The following MAMDC4 variants were observed in gnomAD, a reference collection of about 807,000 sequenced individuals.
MAMDC4 encodes MAM domain containing 4.
In MAMDC4, 168 loss-of-function variants were observed where a neutral mutation model predicts 153.3. That is an observed-to-expected ratio of 1.10 (90% CI 0.97 to 1.25). MAMDC4 has a LOEUF of 1.25. Ranked by LOEUF, MAMDC4 falls within the 50% of genes most tolerant of loss-of-function variation. MAMDC4 has a pLI of 0.00. For synonymous variants in MAMDC4, 744 were observed against 651.5 expected, an observed-to-expected ratio of 1.14 and a Z score of -2.16; for missense variants, 1,701 against 1,542.8, an observed-to-expected ratio of 1.10 and a Z score of -1.72.
chr9:136,860,573 C>T lies in MAMDC4; in HGVS notation c.3384C>T (p.Thr1128=), dbSNP rs775686377. ...CTTCCTCCTCCTAGGATGGTGTCAC[C>T]CTCCCGGCATCTGTCACCAGTGATC... ...DNILFNADGV[T]LPASVTSDP The change falls in exon 27 of 27, where the codon ACC becomes ACT. Residue 1128 remains threonine, a synonymous_variant. Transcript: ENST00000317446. 7 of 1,612,720 alleles carry T rather than the reference C, an allele frequency of 4.3e-6. No homozygotes were observed. The African/African-American group carries it at 9.3e-5, about 22-fold the overall frequency.
In MAMDC4 at chr9:136,857,593, G is replaced by A. The variant is rs1396547724; in HGVS notation, c.2326+7G>A. On this transcript the variant is annotated splice_region_variant and intron_variant, in intron 18 of 26. Transcript: ENST00000317446. ...ACCACTGAGACAGCCCAAGGTATGG[G>A]GGCCTGGCAGGGGCAGGGATTGAGG... 1 of 1,612,454 alleles carries A rather than the reference G, an allele frequency of 6.2e-7. No homozygotes were observed. The highest frequency in any genetic ancestry group is 1.3e-5 in the African/African-American group (1 of 74,926).
chr9:136,856,380 G>T, intron 14 of MAMDC4: 1 of 840,476 alleles, frequency 1.2e-6, no homozygotes, highest in East Asian at 2.4e-5. Flanking sequence ...CGGCCCTTCC[G>T]GGTGAGGAGG....
rs1849001318 is a variant in MAMDC4 at position 136,856,151 on chromosome 9, T to TACCGC, written c.1720+3_1720+7dup. The TACCGC allele has an allele frequency of 6.2e-7, 1 of 1,611,674 alleles. No individual in the cohort carries two copies. The highest frequency in any genetic ancestry group is 1.3e-5 in the African/African-American group (1 of 74,870). ...ATTATTTACAGAGCCAGCCCCGAGG[T>TACCGC]ACCGCCACACTCCGCAAGTTCCCTG... On this transcript the variant is annotated splice_region_variant and intron_variant, in intron 14 of 26. Coordinates refer to ENST00000317446, the MANE Select transcript of MAMDC4 (RefSeq NM_206920.3).
Position 136,853,626 on chromosome 9 carries a change from C to A in MAMDC4, c.410C>A (p.Ala137Asp). The change falls in exon 4 of 27, where the codon GCC (alanine) becomes GAC (aspartate). Residue 137 changes from alanine to aspartate, a missense_variant. By Grantham distance (126) the Ala-to-Asp change is moderately radical (BLOSUM62 -2). Transcript: ENST00000317446. ...ALRSPTLREA[A>D]SSCKLRLWYH... The stretch of plus-strand genomic sequence containing the variant: ...CGCTCGCCAACCCTGCGAGAGGCAG[C>A]CTCCTCTTGCAAGCTGAGGCTCTGG... The A allele has an allele frequency of 6.2e-7, 1 of 1,612,374 alleles. No individual in the cohort carries two copies. Among genetic ancestry groups the A allele is most frequent in the Non-Finnish European group, 8.5e-7 (1 of 1,179,796 alleles).
In MAMDC4 at chr9:136,854,573, G is replaced by GCCCAT; in HGVS notation, c.831_832insCCCAT (p.Gly278ProfsTer73). Reference sequence around the variant, plus strand: ...TAGCCACCGACTTTGAGACAGGCCTGGGCCCATGGAACCGCTCGGAAGGCT... The same window carrying GCCCAT: ...TAGCCACCGACTTTGAGACAGGCCTGCCCATGGCCCATGGAACCGCTCGGAAGGCT... On this transcript the variant is annotated frameshift_variant, in exon 8 of 27. Coordinates refer to ENST00000317446, the MANE Select transcript of MAMDC4 (RefSeq NM_206920.3). LOFTEE classifies it high-confidence loss of function. The GCCCAT allele has an allele frequency of 6.2e-7, 1 of 1,607,494 alleles. No individual in the cohort carries two copies.
chr9:136,854,707 C>T, intron 8 of MAMDC4, 31 bp downstream of exon 8: 1 of 1,612,012 alleles, frequency 6.2e-7, no homozygotes, highest in Non-Finnish European at 8.5e-7. Context: ...GGCCCAGGCC[C>T]TGCCCACGCA....
rs746886311 is a variant in MAMDC4 at position 136,853,191 on chromosome 9, T to C, written c.136T>C (p.Ser46Pro). 2 of 1,612,782 alleles carry C rather than the reference T, an allele frequency of 1.2e-6. No homozygotes were observed. Among genetic ancestry groups the C allele is most frequent in the Non-Finnish European group, 1.7e-6 (2 of 1,179,950 alleles). ...CNFVCDCRDC[S>P]DEAQCGYHGA... Reference sequence around the variant, plus strand: ...CTTCGTGTGTGACTGCAGGGACTGCTCAGATGAGGCCCAGTGTGGTGAGCC... The same window carrying C: ...CTTCGTGTGTGACTGCAGGGACTGCCCAGATGAGGCCCAGTGTGGTGAGCC... Residue 46 changes from serine (S) to proline (P), a missense_variant, in exon 2 of 27, where the codon TCA (serine) becomes CCA (proline). Coordinates refer to ENST00000317446, the MANE Select transcript of MAMDC4 (RefSeq NM_206920.3).
At chr9:136,854,156 C>G (rs1436405549) in intron 6 of MAMDC4, 55 bp from the exon 7 acceptor site, 1 of 1,610,978 alleles carries the variant, frequency 6.2e-7, no homozygotes, top group Non-Finnish European at 8.5e-7. Context: ...TGTCTGCCCC[C>G]GAGTGCTCTC....
At position 136,853,557 on chromosome 9, in the gene MAMDC4, C is replaced by T. The variant is rs201470222; in HGVS notation, c.341C>T (p.Ala114Val). The change falls in exon 4 of 27, where the codon GCC (alanine) becomes GTC (valine). Residue 114 changes from alanine to valine, a missense_variant. Physicochemically the swap from Ala to Val is moderately conservative, Grantham distance 64. Transcript: ENST00000317446. ...TCACCTGCGCCAGGCTGGTACATGG[C>T]CGTTGGAACCCACCGAGGGAAAGAG... ...TLGTDLGWYM[A>V]VGTHRGKEAS... 38 of 1,612,646 alleles carry T rather than the reference C, an allele frequency of 2.4e-5. No homozygotes were observed. In the East Asian group the frequency reaches 8.5e-4, roughly 36 times the overall value.
intron 12 of MAMDC4, 41 bp from the exon 13 acceptor site, chr9:136,855,691 A>G: frequency 1.3e-6 from 2 of 1,568,638 alleles, no homozygotes; most frequent in Non-Finnish European, 1.7e-6. Context: ...CAGGCTGAGG[A>G]CTCTGAGGAC....
At position 136,853,770 on chromosome 9, in the gene MAMDC4, A is replaced by G; in HGVS notation, c.455-7A>G. ...CCGCAGCTGCCCTGGGACCCCTGAC[A>G]TTGCAGATGTGGCTGAACTGCGGGT... On this transcript the variant is annotated splice_polypyrimidine_tract_variant and splice_region_variant and intron_variant, in intron 4 of 26. Transcript: ENST00000317446. 5 of 1,607,956 alleles carry G rather than the reference A, an allele frequency of 3.1e-6. No individual in the cohort carries two copies. Among genetic ancestry groups the G allele is most frequent in the South Asian group, 1.1e-5 (1 of 90,878 alleles).
intron 26 of MAMDC4, among the ~76,000 whole-genome samples, chr9:136,860,306 G>C (rs1262193488): frequency 1.3e-5 from 2 of 152,026 alleles, no homozygotes; most frequent in Admixed American, 1.3e-4. Context: ...GATCACCTGA[G>C]GTCAGGAGTT....
In MAMDC4 at chr9:136,857,799, G is replaced by A; in HGVS notation, c.2464+3G>A. The A allele has an allele frequency of 6.2e-7, 1 of 1,611,616 alleles. No individual in the cohort carries two copies. The highest frequency in any genetic ancestry group is 1.1e-5 in the South Asian group (1 of 90,930). ...CCACGGGAGCCTCCGCAGCCCAGGT[G>A]AGGGGCTTTGGGAGGGGGCCCCAGT... On this transcript the variant is annotated splice_donor_region_variant and intron_variant, in intron 19 of 26. Coordinates refer to ENST00000317446, the MANE Select transcript of MAMDC4 (RefSeq NM_206920.3).
At chr9:136,860,525 A>G (rs1849073953) in intron 26 of MAMDC4, 37 bp from the exon 27 acceptor site, 1 of 1,595,376 alleles carries the variant, frequency 6.3e-7, no homozygotes, top group African/African-American at 1.3e-5. Flanking sequence ...CCGTCTCAGG[A>G]AAGAAAGAAA....
intron 7 of MAMDC4, 67 bp downstream of exon 7, chr9:136,854,403 T>C (rs1217555075): frequency 4.0e-6 from 6 of 1,492,330 alleles, no homozygotes; most frequent in East Asian, 2.5e-5. Context: ...GCCCTGGCAC[T>C]CATCCAGGAG....
intron 14 of MAMDC4, 80 bp downstream of exon 14, chr9:136,856,229 C>T: frequency 5.6e-6 from 9 of 1,602,854 alleles, no homozygotes; most frequent in South Asian, 4.4e-5. Context: ...GCCGGGTGAC[C>T]CACAGTGCCC....
chr9:136,854,226 G>T lies in MAMDC4; in HGVS notation c.686G>T (p.Cys229Phe). ...DCGLPTPQAN[C>F]PPGHHHCQNK... ...CCCCACCCAGCCCCCCAGGCCAACTGTCCCCCGGGACACCACCACTGCCAG... is the reference window on the plus strand; with the variant it reads ...CCCCACCCAGCCCCCCAGGCCAACTTTCCCCCGGGACACCACCACTGCCAG... Residue 229 changes from cysteine (C) to phenylalanine (F), a missense_variant, in exon 7 of 27, where the codon TGT becomes TTT. By Grantham distance (205) the Cys-to-Phe change is radical (BLOSUM62 -2). Coordinates refer to ENST00000317446, the MANE Select transcript of MAMDC4 (RefSeq NM_206920.3). 1.2e-6 allele frequency: 2 copies of T among 1,612,000 alleles called. No individual in the cohort carries two copies. Among genetic ancestry groups the T allele is most frequent in the Non-Finnish European group, 1.7e-6 (2 of 1,179,708 alleles).
At chr9:136,854,465 C>A (rs1848973602) in intron 7 of MAMDC4, 74 bp from the exon 8 acceptor site, 1 of 1,532,774 alleles carries the variant, frequency 6.5e-7, no homozygotes, top group Non-Finnish European at 8.8e-7. Flanking sequence ...TTGCCAGGGC[C>A]CCCCTGGAGC....
In MAMDC4 at chr9:136,860,620, C is replaced by A; in HGVS notation, c.*17C>A. 1 of 1,613,164 alleles carries A rather than the reference C, an allele frequency of 6.2e-7. No individual in the cohort carries two copies. The highest frequency in any genetic ancestry group is 8.5e-7 in the Non-Finnish European group (1 of 1,179,772). On this transcript the variant is annotated 3_prime_UTR_variant, in exon 27 of 27. Transcript: ENST00000317446. ...GATCCGTAGACCACCCCAGACAAGGCCCCGCTTCCTCACGTGACATCCAGC... is the reference window on the plus strand; with the variant it reads ...GATCCGTAGACCACCCCAGACAAGGACCCGCTTCCTCACGTGACATCCAGC...
Sources: allele counts gnomAD v4.1 joint callset (sites outside exome capture counted in the v4.1 genomes callset), GRCh38; gene constraint gnomAD v4.1.1; transcripts MANE v1.5; gene names NCBI Gene and HGNC (gene_info 2026-07-23, HGNC 2026-07-21).